Variants in TMEM178B observed in about 807,000 individuals in gnomAD.
TMEM178B encodes the protein transmembrane protein 178B.
TMEM178B carries 5 observed loss-of-function variants against 31.0 expected under a neutral mutation model. The observed-to-expected ratio is 0.16, with a 90% CI of 0.08 to 0.34. The LOEUF (loss-of-function observed/expected upper bound fraction) is 0.34, where lower values mean the gene tolerates loss of function less well. Among genes scored for constraint, TMEM178B ranks in the 10% least tolerant of loss-of-function variants. The pLI is 1.00. For synonymous variants in TMEM178B, 164 were observed against 164.0 expected (o/e 1.00, Z 0.00); for missense variants, 275 against 400.3 (o/e 0.69, Z 2.67).
chr7:141,123,406 A>G (rs1015040843), intron 1 of TMEM178B, among the ~76,000 whole-genome samples: 1 of 152,362 alleles, frequency 6.6e-6, no homozygotes, highest in African/African-American at 2.4e-5. Flanking sequence ...CAACAGGAAC[A>G]AGAGTGTCTT....
At chr7:141,386,985 GCTTGAGTCAGAAT>G (rs1187241188) in intron 2 of TMEM178B, among the ~76,000 whole-genome samples, 1 of 152,128 alleles carries the variant, frequency 6.6e-6, no homozygotes, top group Non-Finnish European at 1.5e-5. Flanking sequence ...AATTATTCTA[GCTTGAGTCAGAAT>G]CTGTGGGCTC....
At position 141,109,924 on chromosome 7, in the gene TMEM178B, G is replaced by A. The variant is rs116554714; in HGVS notation, c.382+35232G>A. ...CCATGGCACTCCAGCCTGGGTGATA[G>A]AGCGAGACTCTGTCTCTGTCGCTCT... On this transcript the variant is annotated intron_variant, in intron 1 of 3. Transcript: ENST00000565468. 3.3e-3 allele frequency among the ~76,000 whole-genome samples: 505 copies of A among 152,066 alleles called. 5 individuals carry two copies. Among genetic ancestry groups the A allele is most frequent in the African/African-American group, 0.011 (477 of 41,494 alleles).
chr7:141,224,051 T>C (rs555622287), intron 2 of TMEM178B, among the ~76,000 whole-genome samples: 2 of 152,270 alleles, frequency 1.3e-5, no homozygotes, highest in South Asian at 2.1e-4. Flanking sequence ...ATGTTCTCAT[T>C]GTAGTGAATA....
At chr7:141,497,528 T>A in the TMEM178B span, among the ~76,000 whole-genome samples, 42 of 152,220 alleles carry the variant, frequency 2.8e-4, no homozygotes, top group Non-Finnish European at 5.9e-4. Flanking sequence ...TGTAGCCTAG[T>A]GATTGCTTCG....
Position 141,187,414 on chromosome 7 carries a change from G to A in TMEM178B, c.383-25177G>A, listed in dbSNP as rs562772540. ...CCGCTATAAACATACGTGTGCATGT[G>A]TCTTTGTAGCAGCATGATTTATAAT... On this transcript the variant is annotated intron_variant, in intron 1 of 3. Transcript: ENST00000565468. Among the ~76,000 whole-genome samples the A allele has an allele frequency of 2.0e-5, 3 of 152,226 alleles. No individual in the cohort carries two copies. The South Asian group carries it at 6.2e-4, about 32-fold the overall frequency.
chr7:141,504,540 TAATA>T, the TMEM178B span, among the ~76,000 whole-genome samples: 3 of 152,240 alleles, frequency 2.0e-5, no homozygotes, highest in East Asian at 5.8e-4. Flanking sequence ...GTTTGATGTC[TAATA>T]AATTTGCTAA....
intron 1 of TMEM178B, among the ~76,000 whole-genome samples, chr7:141,209,281 T>C (rs1261909290): frequency 3.9e-5 from 6 of 152,212 alleles, no homozygotes; most frequent in African/African-American, 1.4e-4. Context: ...ATTGAGACAC[T>C]GTTCTGTGAT....
chr7:141,271,775 T>G (rs1411621408), intron 2 of TMEM178B, among the ~76,000 whole-genome samples: 1 of 152,220 alleles, frequency 6.6e-6, no homozygotes, highest in African/African-American at 2.4e-5. Flanking sequence ...TGCTGCCTAG[T>G]GCTTCACTTG....
At chr7:141,325,871 A>G (rs891678380) in intron 2 of TMEM178B, among the ~76,000 whole-genome samples, 1 of 152,184 alleles carries the variant, frequency 6.6e-6, no homozygotes, top group Non-Finnish European at 1.5e-5. Flanking sequence ...AAATAGACAG[A>G]AATGTAAAGA....
At position 141,084,769 on chromosome 7, in the gene TMEM178B, AATCAT is replaced by A. The variant is rs1334350735; in HGVS notation, c.382+10087_382+10091del. 3.3e-5 allele frequency among the ~76,000 whole-genome samples: 5 copies of A among 152,172 alleles called. No homozygotes were observed. In the East Asian group the frequency reaches 7.7e-4, roughly 23 times the overall value. ...CAGCCATTGCTGCCCAAATTTTATA[AATCAT>A]ATCATATCAGAGATCGTATATTCAT... On this transcript the variant is annotated intron_variant, in intron 1 of 3. Transcript: ENST00000565468.
intron 1 of TMEM178B, among the ~76,000 whole-genome samples, chr7:141,147,258 T>C (rs939918557): frequency 1.3e-5 from 2 of 151,932 alleles, no homozygotes; most frequent in African/African-American, 4.8e-5. Flanking sequence ...CTTCCCTCCC[T>C]CCTGTGTTCT....
At chr7:141,342,594 G>A (rs1385853569) in intron 2 of TMEM178B, among the ~76,000 whole-genome samples, 6 of 152,182 alleles carry the variant, frequency 3.9e-5, no homozygotes, top group African/African-American at 7.2e-5. Context: ...AGGTGGTTGC[G>A]TAGCCCTTTG....
chr7:141,286,265 G>T (rs180679333), intron 2 of TMEM178B, among the ~76,000 whole-genome samples: 4 of 152,160 alleles, frequency 2.6e-5, no homozygotes, highest in Admixed American at 2.6e-4. Context: ...GCAAAGAAAG[G>T]AGGGTCAACA....
chr7:141,074,354 C>G lies in TMEM178B; in HGVS notation c.44C>G (p.Ala15Gly). 6.5e-7 allele frequency: 1 copy of G among 1,536,046 alleles called. No individual in the cohort carries two copies. Among genetic ancestry groups the G allele is most frequent in the East Asian group, 2.4e-5 (1 of 40,906 alleles). ...CTGCTCTACACTGGCCTCTCGCTAG[C>G]GCTCTGCGCCCTCGGCATGCTGGCC... is the stretch of plus-strand genomic sequence containing the variant. ...RLLLYTGLSL[A>G]LCALGMLAVA... The change falls in exon 1 of 4, where the codon GCG (alanine) becomes GGG (glycine). Residue 15 changes from alanine (A) to glycine (G), a missense_variant. Physicochemically the swap from Ala to Gly is moderately conservative, Grantham distance 60 (BLOSUM62 0). Coordinates refer to ENST00000565468, the MANE Select transcript of TMEM178B (RefSeq NM_001195278.2). The surrounding 1 kb of genome is among the most constrained non-coding windows in gnomAD (Gnocchi z 5.1).
At chr7:141,407,087 A>G (rs570242585) in intron 2 of TMEM178B, among the ~76,000 whole-genome samples, 1 of 152,342 alleles carries the variant, frequency 6.6e-6, no homozygotes, top group Admixed American at 6.5e-5. Flanking sequence ...ATTGCTTCCT[A>G]TATTGCCTAT....
chr7:141,404,964 AC>A (rs1232021314), intron 2 of TMEM178B, among the ~76,000 whole-genome samples: 5 of 151,864 alleles, frequency 3.3e-5, no homozygotes, highest in Admixed American at 6.6e-5. Flanking sequence ...TTTCCCGTCC[AC>A]CCCCTTGCAG....
intron 2 of TMEM178B, among the ~76,000 whole-genome samples, chr7:141,270,086 A>C (rs1261139721): frequency 6.6e-6 from 1 of 151,984 alleles, no homozygotes; most frequent in Non-Finnish European, 1.5e-5. Context: ...CAAACAAAAA[A>C]CTCATAAAAA....
intron 2 of TMEM178B, among the ~76,000 whole-genome samples, chr7:141,352,929 A>G (rs1799760149): frequency 6.6e-6 from 1 of 152,252 alleles, no homozygotes; most frequent in Non-Finnish European, 1.5e-5. Flanking sequence ...GTAAGAAAAA[A>G]GAGAACCAAA....
Position 141,074,232 on chromosome 7 carries a change from C to CGCG in TMEM178B, c.-77_-76insGGC, listed in dbSNP as rs1794556582. The CGCG allele has an allele frequency of 7.0e-7, 1 of 1,436,636 alleles. No individual in the cohort carries two copies. The highest frequency in any genetic ancestry group is 1.4e-5 in the African/African-American group (1 of 69,878). 89.0% of individuals were successfully genotyped at this position (1,436,636 alleles called of 1,614,324 possible). A position where few individuals can be genotyped will look rare whatever the true frequency, so the allele number is the denominator to read the frequency against. ...TGCCCCCTCCCCCAGCTCGGCCGCC[C>CGCG]GCCGCTTTGTTCCGGGTGCGGCGAG... On this transcript the variant is annotated 5_prime_UTR_variant, in exon 1 of 4. Transcript: ENST00000565468. The surrounding 1 kb of genome is among the most constrained non-coding windows in gnomAD (Gnocchi z 5.1).
Sources: allele counts gnomAD v4.1 joint callset (sites outside exome capture counted in the v4.1 genomes callset), GRCh38; gene constraint gnomAD v4.1.1; non-coding constraint Gnocchi (gnomAD v3.1); transcripts MANE v1.5; gene names NCBI Gene and HGNC (gene_info 2026-07-23, HGNC 2026-07-21).